ATP8A1: variants seen among roughly 807,000 people sequenced by gnomAD.
ATP8A1 encodes the protein ATPase phospholipid transporting 8A1, also known as phospholipid-transporting ATPase IA.
In ATP8A1, 90 loss-of-function variants were observed where a neutral mutation model predicts 177.7. The ratio of observed to expected loss-of-function variants is 0.51; its 90% CI spans 0.43 to 0.60. ATP8A1 has a LOEUF of 0.60. ATP8A1 is among the 20% of genes least tolerant of loss of function. ATP8A1 has a pLI of 0.00. For synonymous variants in ATP8A1, 493 were observed against 485.9 expected (o/e 1.01, Z -0.19); for missense variants, 1,072 against 1,392.8 (o/e 0.77, Z 3.67).
At chr4:42,563,180 C>T (rs1245107471) in intron 15 of ATP8A1, among the ~76,000 whole-genome samples, 1 of 152,168 alleles carries the variant, frequency 6.6e-6, no homozygotes, top group Non-Finnish European at 1.5e-5. Context: ...CAATAAGGTC[C>T]AGGCTGAGGT....
intron 17 of ATP8A1, 109 bp downstream of exon 17, chr4:42,552,396 A>G: frequency 1.2e-6 from 1 of 865,386 alleles, no homozygotes; most frequent in South Asian, 1.7e-5. Context: ...GTAAATAAAA[A>G]TTTTTATCTA....
At chr4:42,616,330 T>C (rs1222177581) in intron 4 of ATP8A1, among the ~76,000 whole-genome samples, 1 of 152,192 alleles carries the variant, frequency 6.6e-6, no homozygotes, top group African/African-American at 2.4e-5. Flanking sequence ...GAGCATAAGT[T>C]TGTGGTCCTC....
chr4:42,582,886 T>C (rs1002445294), intron 9 of ATP8A1, among the ~76,000 whole-genome samples: 1 of 152,178 alleles, frequency 6.6e-6, no homozygotes. Context: ...GCCACCACAA[T>C]ACTAGAGTTC....
At chr4:42,563,122 T>C (rs192675678) in intron 15 of ATP8A1, among the ~76,000 whole-genome samples, 2 of 152,230 alleles carry the variant, frequency 1.3e-5, no homozygotes, top group Non-Finnish European at 2.9e-5. Flanking sequence ...AGTTTGGAAC[T>C]TCCTAGAGAC....
At chr4:42,476,862 G>A (rs910938096) in intron 25 of ATP8A1, among the ~76,000 whole-genome samples, 2 of 152,030 alleles carry the variant, frequency 1.3e-5, no homozygotes, top group African/African-American at 2.4e-5. Flanking sequence ...ATACAAGCAG[G>A]AAAAAAGAGA....
chr4:42,584,652 G>A (rs977111197), intron 9 of ATP8A1, among the ~76,000 whole-genome samples: 1 of 152,138 alleles, frequency 6.6e-6, no homozygotes, highest in Non-Finnish European at 1.5e-5. Context: ...GAGGGTCTCA[G>A]GATAGCTCTT....
At chr4:42,535,995 C>T (rs746149179) in intron 20 of ATP8A1, among the ~76,000 whole-genome samples, 24 of 152,100 alleles carry the variant, frequency 1.6e-4, no homozygotes, top group Non-Finnish European at 2.6e-4. Flanking sequence ...CATTAAATGT[C>T]TACATCAAAA....
chr4:42,487,404 C>A (rs897505762), intron 24 of ATP8A1, among the ~76,000 whole-genome samples: 1 of 152,100 alleles, frequency 6.6e-6, no homozygotes, highest in African/African-American at 2.4e-5. Context: ...TTCACAAGAG[C>A]CCTACCGTGG....
chr4:42,446,080 C>CAAAAAAAAAAAAAAAAAAAAAAA lies in ATP8A1; in HGVS notation c.2958+502_2958+503insTTTTTTTTTTTTTTTTTTTTTTT, dbSNP rs11311245. ...GGGCGACAAGAGTGAAACGCCCTCT[C>CAAAAAAAAAAAAAAAAAAAAAAA]AAAAAAAAAAAAAAAAAAAGAGAAG... On this transcript the variant is annotated intron_variant, in intron 31 of 36. Transcript: ENST00000381668. 1.1e-3 allele frequency among the ~76,000 whole-genome samples: 70 copies of CAAAAAAAAAAAAAAAAAAAAAAA among 63,824 alleles called. 4 individuals carry two copies. The highest frequency in any genetic ancestry group is 2.0e-3 in the East Asian group (2 of 982). 41.9% of individuals were successfully genotyped at this position (63,824 alleles called of 152,430 possible).
intron 6 of ATP8A1, among the ~76,000 whole-genome samples, chr4:42,596,318 C>T (rs964351830): frequency 1.3e-5 from 2 of 152,132 alleles, no homozygotes; most frequent in African/African-American, 4.8e-5. Flanking sequence ...CTCATATTTG[C>T]AACATCAAGG....
chr4:42,554,640 T>C (rs13113565), intron 16 of ATP8A1, among the ~76,000 whole-genome samples: 71,643 of 151,960 alleles, frequency 0.47, 17,141 homozygotes, highest in African/African-American at 0.57. Context: ...ACATACTGGG[T>C]TTGAAGTGGT....
At chr4:42,476,382 G>A (rs997986291) in intron 25 of ATP8A1, among the ~76,000 whole-genome samples, 3 of 152,262 alleles carry the variant, frequency 2.0e-5, no homozygotes, top group African/African-American at 7.2e-5. Context: ...GGAGGCTGAG[G>A]CTGAGTCGGG....
At chr4:42,635,686 G>A (rs1179446441) in intron 1 of ATP8A1, among the ~76,000 whole-genome samples, 1 of 148,142 alleles carries the variant, frequency 6.8e-6, no homozygotes. Context: ...GCACACATAT[G>A]TATTTGTATA....
chr4:42,463,934 C>A (rs1048323782), intron 27 of ATP8A1, among the ~76,000 whole-genome samples: 1 of 152,200 alleles, frequency 6.6e-6, no homozygotes, highest in Non-Finnish European at 1.5e-5. Flanking sequence ...ACCAGCAAAG[C>A]TACCTGCATA....
At chr4:42,594,418 T>C in intron 6 of ATP8A1, 3 of 978,220 alleles carry the variant, frequency 3.1e-6, no homozygotes, top group Middle Eastern at 5.2e-4. Flanking sequence ...GTTACAAATA[T>C]ACAACCCATT....
chr4:42,589,995 G>A (rs1734000731), intron 7 of ATP8A1, among the ~76,000 whole-genome samples: 1 of 152,084 alleles, frequency 6.6e-6, no homozygotes, highest in Non-Finnish European at 1.5e-5. Context: ...ACTTAGGACA[G>A]CAGTTACTGA....
chr4:42,416,009 G>A (rs1332759714), intron 35 of ATP8A1, among the ~76,000 whole-genome samples: 2 of 152,270 alleles, frequency 1.3e-5, no homozygotes, highest in East Asian at 1.9e-4. Context: ...CTACATGAAG[G>A]CAAGAAAACT....
At position 42,429,449 on chromosome 4, in the gene ATP8A1, A is replaced by AGTTG. The variant is rs568838674; in HGVS notation, c.3124-5745_3124-5744insCAAC. ...TGTAGAATAGGCAGGAAGAGAAGGA[A>AGTTG]GTACCAGCATTAACAAAGATTTTAA... On this transcript the variant is annotated intron_variant, in intron 33 of 36. Transcript: ENST00000381668. Among the ~76,000 whole-genome samples, 17 of 152,098 alleles carry AGTTG rather than the reference A, an allele frequency of 1.1e-4. No homozygotes were observed. In the South Asian group the frequency reaches 3.3e-3, roughly 30 times the overall value.
At chr4:42,427,170 C>T (rs1187088932) in intron 33 of ATP8A1, among the ~76,000 whole-genome samples, 1 of 152,088 alleles carries the variant, frequency 6.6e-6, no homozygotes, top group South Asian at 2.1e-4. Context: ...TGAAAGGATG[C>T]TTTAAAGAAC....
Sources: gnomAD v4.1 joint callset for allele counts (sites outside exome capture counted in the v4.1 genomes callset) on GRCh38, gnomAD v4.1.1 for gene constraint, MANE v1.5 for transcripts, NCBI Gene and HGNC (gene_info 2026-07-23, HGNC 2026-07-21) for gene names.